KDM4C: variants seen among roughly 807,000 people sequenced by gnomAD.
The protein encoded by KDM4C is lysine demethylase 4C.
A neutral mutation model predicts 129.3 loss-of-function variants in KDM4C; 81 were observed. The ratio of observed to expected loss-of-function variants is 0.63; its 90% confidence interval spans 0.52 to 0.75. The LOEUF is 0.75. KDM4C is among the 30% of genes least tolerant of loss of function. The pLI, the probability that KDM4C is intolerant of heterozygous loss-of-function variation, is 0.00. For missense variants in KDM4C, 1,457 were observed against 1,304.0 expected (o/e 1.12, Z -1.81); for synonymous variants, 573 against 456.1 (o/e 1.26, Z -3.26).
chr9:7,011,171 ACTTTATAG>A (rs376972602), intron 12 of KDM4C, among the ~76,000 whole-genome samples: 129 of 152,342 alleles, frequency 8.5e-4, no homozygotes, highest in African/African-American at 2.9e-3. Context: ...ATTGCTTGGT[ACTTTATAG>A]CTGCTCTGTA....
Position 6,888,810 on chromosome 9 carries a change from C to T in KDM4C, c.783+747C>T, listed in dbSNP as rs1444343030. Among the ~76,000 whole-genome samples, 5 of 75,438 alleles carry T rather than the reference C, an allele frequency of 6.6e-5. 1 individual carries two copies. Among genetic ancestry groups the T allele is most frequent in the Non-Finnish European group, 1.2e-4 (5 of 41,424 alleles). 49.5% of individuals were successfully genotyped at this position (75,438 alleles called of 152,430 possible). A position where few individuals can be genotyped will look rare whatever the true frequency, so the allele number is the denominator to read the frequency against. On this transcript the variant is annotated intron_variant, in intron 7 of 21. Transcript: ENST00000381309. ...TTTTTTTTTTTTTTTTTTTTTGAGACGGAGTCTCGCTCTGTCGCCCAGGCT... is the reference window on the plus strand; with the variant it reads ...TTTTTTTTTTTTTTTTTTTTTGAGATGGAGTCTCGCTCTGTCGCCCAGGCT...
At chr9:6,958,314 G>T (rs1829433565) in intron 8 of KDM4C, among the ~76,000 whole-genome samples, 1 of 152,144 alleles carries the variant, frequency 6.6e-6, no homozygotes, top group Non-Finnish European at 1.5e-5. Context: ...GGCCGGTGCG[G>T]TGGCTCACGC....
At chr9:6,998,679 C>A (rs1242472359) in intron 12 of KDM4C, among the ~76,000 whole-genome samples, 1 of 152,104 alleles carries the variant, frequency 6.6e-6, no homozygotes, top group Admixed American at 6.5e-5. Context: ...ACCTGTAATC[C>A]CAGCTACTTG....
intron 17 of KDM4C, among the ~76,000 whole-genome samples, chr9:7,091,531 C>G (rs554732165): frequency 2.5e-4 from 38 of 152,202 alleles, no homozygotes; most frequent in East Asian, 5.8e-4. Flanking sequence ...AGTTTCTTAT[C>G]TTTTGTTGAG....
intron 3 of KDM4C, among the ~76,000 whole-genome samples, chr9:6,813,025 A>G (rs1831446763): frequency 6.6e-6 from 1 of 151,986 alleles, no homozygotes; most frequent in Non-Finnish European, 1.5e-5. Flanking sequence ...AAAATACAAA[A>G]TTAGCCAGGC....
chr9:6,912,153 C>A (rs1819434460), intron 8 of KDM4C, among the ~76,000 whole-genome samples: 1 of 152,190 alleles, frequency 6.6e-6, no homozygotes, highest in African/African-American at 2.4e-5. Flanking sequence ...CTTGCTGTTT[C>A]TGGCCAGCCT....
chr9:6,820,041 T>C (rs1183081664), intron 4 of KDM4C, among the ~76,000 whole-genome samples: 1 of 152,050 alleles, frequency 6.6e-6, no homozygotes, highest in Non-Finnish European at 1.5e-5. Context: ...TGGGAGTTCT[T>C]GGAGAGGGTA....
rs1051615906 is a variant in KDM4C, at chr9:6,806,494, C to T, written c.320+720C>T. 3.0e-5 allele frequency among the ~76,000 whole-genome samples: 4 copies of T among 133,262 alleles called. 1 individual carries two copies. The highest frequency in any genetic ancestry group is 1.5e-4 in the Admixed American group (2 of 12,918). The allele number at this position is 133,262 out of a possible 152,430, so 87.4% of individuals were successfully genotyped here. The stretch of plus-strand genomic sequence containing the variant: ...GGGCAACAAGAGTGAAACTCCGTCT[C>T]GAAAAAATAAATAAATAAATAAATA... On this transcript the variant is annotated intron_variant, in intron 3 of 21. Coordinates refer to ENST00000381309, the MANE Select transcript of KDM4C (RefSeq NM_015061.6).
intron 18 of KDM4C, among the ~76,000 whole-genome samples, chr9:7,123,170 C>G (rs771421935): frequency 3.3e-5 from 5 of 152,084 alleles, no homozygotes; most frequent in Non-Finnish European, 5.9e-5. Flanking sequence ...TATATACTGG[C>G]CATTTTTCTA....
chr9:6,788,957 A>G (rs1342791342), intron 1 of KDM4C, among the ~76,000 whole-genome samples: 1 of 152,156 alleles, frequency 6.6e-6, no homozygotes, highest in Non-Finnish European at 1.5e-5. Flanking sequence ...AGCACAAGTC[A>G]GTGAGTATTG....
chr9:6,750,353 C>G (rs1337202102), intron 1 of KDM4C, among the ~76,000 whole-genome samples: 1 of 151,592 alleles, frequency 6.6e-6, no homozygotes, highest in Non-Finnish European at 1.5e-5. Context: ...GCAGGAGAAT[C>G]GCTTGAACCT....
At chr9:6,998,663 G>A (rs1462949093) in intron 12 of KDM4C, among the ~76,000 whole-genome samples, 3 of 152,124 alleles carry the variant, frequency 2.0e-5, no homozygotes, top group African/African-American at 7.2e-5. Context: ...GAGTGTGGTG[G>A]CACACACCTG....
intron 7 of KDM4C, among the ~76,000 whole-genome samples, chr9:6,889,626 C>T (rs1052272830): frequency 2.7e-4 from 41 of 152,162 alleles, no homozygotes; most frequent in African/African-American, 9.2e-4. Context: ...CATCATCATC[C>T]AGTGCTTCTT....
chr9:7,132,436 C>T (rs763474040), intron 19 of KDM4C, among the ~76,000 whole-genome samples: 4 of 152,192 alleles, frequency 2.6e-5, no homozygotes, highest in Non-Finnish European at 5.9e-5. Flanking sequence ...TCTTTCCCTA[C>T]CTAGGTACTT....
At chr9:7,117,895 C>T (rs1839083392) in intron 18 of KDM4C, among the ~76,000 whole-genome samples, 2 of 152,282 alleles carry the variant, frequency 1.3e-5, no homozygotes, top group East Asian at 1.9e-4. Context: ...ACCAGCTCCA[C>T]CTGTCTAACT....
chr9:7,019,977 G>A lies in KDM4C; in HGVS notation c.2259+4048G>A, dbSNP rs142095651. ...TTTCCAATTCTAAAGAGTAGATGTC[G>A]CTCTAGACTCAAATTAGGAAGATAG... On this transcript the variant is annotated intron_variant, in intron 15 of 21. Transcript: ENST00000381309. 7.5e-3 allele frequency among the ~76,000 whole-genome samples: 1,140 copies of A among 151,758 alleles called. 6 individuals carry two copies. Among genetic ancestry groups the A allele is most frequent in the Non-Finnish European group, 0.012 (829 of 67,910 alleles).
At chr9:6,799,755 A>T (rs1320883328) in intron 2 of KDM4C, among the ~76,000 whole-genome samples, 2 of 147,494 alleles carry the variant, frequency 1.4e-5, no homozygotes, top group African/African-American at 5.0e-5. Flanking sequence ...TCTGTGTTCC[A>T]TTTTTTTATT....
chr9:6,767,963 C>A (rs1820973912), intron 1 of KDM4C, among the ~76,000 whole-genome samples: 1 of 150,868 alleles, frequency 6.6e-6, no homozygotes, highest in Non-Finnish European at 1.5e-5. Context: ...CATAATATTT[C>A]TTTTAGTATT....
intron 9 of KDM4C, among the ~76,000 whole-genome samples, chr9:6,983,573 G>GACACATACAC (rs1817141827): frequency 7.0e-6 from 1 of 142,610 alleles, no homozygotes; most frequent in Non-Finnish European, 1.5e-5. Context: ...GTGTCTTTAT[G>GACACATACAC]ACACACACAC....
Sources: gnomAD v4.1 joint callset for allele counts (sites outside exome capture counted in the v4.1 genomes callset) on GRCh38, gnomAD v4.1.1 for gene constraint, MANE v1.5 for transcripts, NCBI Gene and HGNC (gene_info 2026-07-23, HGNC 2026-07-21) for gene names.